The following TRIP4 variants were observed in gnomAD, a reference collection of about 807,000 sequenced individuals.
The protein encoded by TRIP4 is activating signal cointegrator 1.
In TRIP4, 54 loss-of-function variants were observed where a neutral mutation model predicts 81.8. The ratio of observed to expected loss-of-function variants is 0.66; its 90% CI spans 0.53 to 0.83. The LOEUF is 0.83. Among genes scored for constraint, TRIP4 ranks in the 40% least tolerant of loss-of-function variants. TRIP4 has a pLI of 0.00. For missense variants in TRIP4, 662 were observed against 683.6 expected, an observed-to-expected ratio of 0.97 and a Z score of 0.35; for synonymous variants, 270 against 242.8, an observed-to-expected ratio of 1.11 and a Z score of -1.04.
intron 4 of TRIP4, 71 bp from the exon 5 acceptor site, chr15:64,400,672 C>T (rs1227794966): frequency 8.1e-7 from 1 of 1,237,048 alleles, no homozygotes; most frequent in Non-Finnish European, 1.2e-6. Context: ...TTTCAGGTTA[C>T]TTTTAGATAT....
At chr15:64,390,919 G>A (rs890179090) in intron 1 of TRIP4, among the ~76,000 whole-genome samples, 2 of 151,728 alleles carry the variant, frequency 1.3e-5, no homozygotes, top group African/African-American at 4.8e-5. Flanking sequence ...ATTATATTCC[G>A]CCTGGGAAGG....
chr15:64,390,298 C>T (rs928622679), intron 1 of TRIP4, among the ~76,000 whole-genome samples: 1 of 150,578 alleles, frequency 6.6e-6, no homozygotes, highest in Non-Finnish European at 1.5e-5. Context: ...CCCCACTCTA[C>T]TAAAAATACA....
intron 12 of TRIP4, among the ~76,000 whole-genome samples, chr15:64,446,768 C>T (rs1453655501): frequency 6.6e-6 from 1 of 151,904 alleles, no homozygotes. Context: ...TCTTTTCTTC[C>T]TCTGTCCTAG....
At chr15:64,394,172 A>AATT in intron 2 of TRIP4, 57 bp downstream of exon 2, 1 of 1,395,472 alleles carries the variant, frequency 7.2e-7, no homozygotes, top group South Asian at 1.7e-5. Flanking sequence ...AGGCTTAAAG[A>AATT]ATTATTATTA....
Position 64,393,145 on chromosome 15 carries a change from A to G in TRIP4, c.102-801A>G, listed in dbSNP as rs527806130. Among the ~76,000 whole-genome samples the G allele has an allele frequency of 1.9e-4, 28 of 148,086 alleles. No individual in the cohort carries two copies. The East Asian group carries it at 5.5e-3, about 29-fold the overall frequency. On this transcript the variant is annotated intron_variant, in intron 1 of 12. Coordinates refer to ENST00000261884, the MANE Select transcript of TRIP4 (RefSeq NM_016213.5). ...TTCTGTGCTGTTTTCAGTGTCTTGTATGTTAATTTTTTTTTTTTTTTTTTT... is the reference window on the plus strand; with the variant it reads ...TTCTGTGCTGTTTTCAGTGTCTTGTGTGTTAATTTTTTTTTTTTTTTTTTT...
chr15:64,446,786 T>G (rs1382802048), intron 12 of TRIP4, among the ~76,000 whole-genome samples: 6 of 151,824 alleles, frequency 4.0e-5, no homozygotes, highest in Non-Finnish European at 5.9e-5. Context: ...TAGAGCAGCC[T>G]CTTGTATTTC....
chr15:64,453,258 A>C (rs2140319440), intron 12 of TRIP4, among the ~76,000 whole-genome samples: 1 of 152,350 alleles, frequency 6.6e-6, no homozygotes, highest in African/African-American at 2.4e-5. Context: ...ATTCTGTCCC[A>C]GCTTGTCCTA....
At chr15:64,429,734 CT>C (rs1347084894) in intron 11 of TRIP4, among the ~76,000 whole-genome samples, 2 of 152,218 alleles carry the variant, frequency 1.3e-5, no homozygotes, top group African/African-American at 4.8e-5. Flanking sequence ...CATAGGTCAA[CT>C]CACTGAGAGA....
At chr15:64,393,151 A>AT (rs947519077) in intron 1 of TRIP4, among the ~76,000 whole-genome samples, 3,235 of 130,704 alleles carry the variant, frequency 0.025, 99 homozygotes, top group African/African-American at 0.057. Flanking sequence ...TTGTATGTTA[A>AT]TTTTTTTTTT....
intron 12 of TRIP4, among the ~76,000 whole-genome samples, chr15:64,447,061 A>C (rs1042930588): frequency 2.6e-5 from 4 of 152,066 alleles, no homozygotes; most frequent in African/African-American, 9.7e-5. Context: ...TCGAGATTGC[A>C]CCACTGCACT....
chr15:64,431,923 G>A lies in TRIP4; in HGVS notation c.1575+6292G>A, dbSNP rs189762121. 3.8e-4 allele frequency among the ~76,000 whole-genome samples: 43 copies of A among 113,536 alleles called. 1 individual carries two copies. The highest frequency in any genetic ancestry group is 5.1e-4 in the Non-Finnish European group (31 of 60,890). The allele number at this position is 113,536 out of a possible 152,430, so 74.5% of individuals were successfully genotyped here. On this transcript the variant is annotated intron_variant, in intron 11 of 12. Coordinates refer to ENST00000261884, the MANE Select transcript of TRIP4 (RefSeq NM_016213.5). ...TTTTGAGACGGAGTCGTACTCTGTC[G>A]TCCAGGGTGGTGGAGTGCAGTGGAG...
At chr15:64,443,563 C>T (rs1392767618) in intron 11 of TRIP4, among the ~76,000 whole-genome samples, 1 of 152,136 alleles carries the variant, frequency 6.6e-6, no homozygotes, top group East Asian at 1.9e-4. Context: ...AGCTTATTTC[C>T]TTCTAATACC....
In TRIP4 at chr15:64,403,232, C is replaced by T. The variant is rs989014242; in HGVS notation, c.697+2411C>T. On this transcript the variant is annotated intron_variant, in intron 5 of 12. Transcript: ENST00000261884. ...AGTGCAGTGGCGCAATCTTGGCTGA[C>T]TGCAACCTCTGCCTCCTGGGTTCAA... Among the ~76,000 whole-genome samples the T allele has an allele frequency of 2.6e-5, 4 of 152,116 alleles. No homozygotes were observed. In the East Asian group the frequency reaches 7.7e-4, roughly 29 times the overall value.
At chr15:64,436,226 C>T (rs1172079601) in intron 11 of TRIP4, among the ~76,000 whole-genome samples, 8 of 151,278 alleles carry the variant, frequency 5.3e-5, no homozygotes, top group East Asian at 1.9e-4. Flanking sequence ...ATCCAGGAGG[C>T]GGAGGTTGCA....
At chr15:64,403,848 A>T (rs77692362) in intron 5 of TRIP4, among the ~76,000 whole-genome samples, 2,543 of 152,326 alleles carry the variant, frequency 0.017, 66 homozygotes, top group African/African-American at 0.058. Flanking sequence ...TATGTCAAAT[A>T]ATGTGTCTTT....
chr15:64,394,204 T>G, intron 2 of TRIP4, 89 bp downstream of exon 2: 1 of 1,229,616 alleles, frequency 8.1e-7, no homozygotes, highest in Non-Finnish European at 1.1e-6. Flanking sequence ...TTTGCCATCT[T>G]GTGTTTCTTC....
chr15:64,388,075 C>T, intron 1 of TRIP4, 111 bp downstream of exon 1: 1 of 1,417,992 alleles, frequency 7.1e-7, no homozygotes, highest in South Asian at 1.5e-5. Flanking sequence ...GATAAAGGGG[C>T]TGCAGTCTGT....
chr15:64,416,027 A>C (rs1385571981), intron 8 of TRIP4, among the ~76,000 whole-genome samples: 1 of 152,178 alleles, frequency 6.6e-6, no homozygotes, highest in Non-Finnish European at 1.5e-5. Flanking sequence ...CCAAATTAGT[A>C]TTAAAGCACT....
rs115978991 is a variant in TRIP4 at position 64,438,040 on chromosome 15, G to T, written c.1576-6966G>T. Among the ~76,000 whole-genome samples the T allele has an allele frequency of 3.6e-3, 544 of 152,228 alleles. 2 individuals carry two copies. Among genetic ancestry groups the T allele is most frequent in the African/African-American group, 0.011 (467 of 41,524 alleles). The stretch of plus-strand genomic sequence containing the variant: ...GTGAGAGAAGTCTAGGATCAACTTG[G>T]GTTTCTTTTTTGTTCTAAAAGATAT... On this transcript the variant is annotated intron_variant, in intron 11 of 12. Coordinates refer to ENST00000261884, the MANE Select transcript of TRIP4 (RefSeq NM_016213.5).
Sources: allele counts gnomAD v4.1 joint callset (sites outside exome capture counted in the v4.1 genomes callset), GRCh38; gene constraint gnomAD v4.1.1; transcripts MANE v1.5; gene names NCBI Gene and HGNC (gene_info 2026-07-23, HGNC 2026-07-21).